CLSTN2: variants seen among roughly 807,000 people sequenced by gnomAD.
The protein encoded by CLSTN2 is calsyntenin-2.
CLSTN2 carries 48 observed loss-of-function variants against 101.2 expected under a neutral mutation model. That is an observed-to-expected ratio of 0.47 (90% CI 0.38 to 0.60). The LOEUF is 0.60. Among genes scored for constraint, CLSTN2 ranks in the 20% least tolerant of loss-of-function variants. The pLI, the probability that CLSTN2 is intolerant of heterozygous loss-of-function variation, is 0.00. For missense variants in CLSTN2, 1,160 were observed against 1,238.2 expected, an observed-to-expected ratio of 0.94 and a Z score of 0.95; for synonymous variants, 481 against 463.6, an observed-to-expected ratio of 1.04 and a Z score of -0.48.
intron 1 of CLSTN2, among the ~76,000 whole-genome samples, chr3:139,981,691 C>T (rs9830596): frequency 0.33 from 49,930 of 152,154 alleles, 10,132 homozygotes; most frequent in Non-Finnish European, 0.46. Context: ...AATTAGCTGC[C>T]TAAAGCTATG....
chr3:140,407,610 A>AT (rs2088317877), intron 4 of CLSTN2, among the ~76,000 whole-genome samples: 1 of 152,178 alleles, frequency 6.6e-6, no homozygotes, highest in Admixed American at 6.5e-5. Flanking sequence ...ATTATTAAAT[A>AT]TTTACCTGGA....
intron 2 of CLSTN2, among the ~76,000 whole-genome samples, chr3:140,196,488 C>T (rs1257994052): frequency 1.3e-5 from 2 of 152,208 alleles, no homozygotes; most frequent in East Asian, 1.9e-4. Context: ...GTATTACTTG[C>T]TGTTTCCAGG....
At chr3:140,441,992 G>A (rs1190224746) in intron 5 of CLSTN2, among the ~76,000 whole-genome samples, 4 of 152,122 alleles carry the variant, frequency 2.6e-5, no homozygotes, top group African/African-American at 9.7e-5. Flanking sequence ...CTTGAACCTG[G>A]AGCTGTACTG....
chr3:139,952,799 C>A (rs1935315778), intron 1 of CLSTN2, among the ~76,000 whole-genome samples: 1 of 152,192 alleles, frequency 6.6e-6, no homozygotes, highest in Admixed American at 6.5e-5. Context: ...AAGGTCCCAA[C>A]ATGTCATTCC....
chr3:140,419,387 C>T lies in CLSTN2; in HGVS notation c.638-1738C>T, dbSNP rs1248028323. Among the ~76,000 whole-genome samples, 12 of 142,980 alleles carry T rather than the reference C, an allele frequency of 8.4e-5. No individual in the cohort carries two copies. The South Asian group carries it at 8.8e-4, about 10-fold the overall frequency. 93.8% of individuals were successfully genotyped at this position (142,980 alleles called of 152,430 possible). On this transcript the variant is annotated intron_variant, in intron 4 of 16. Transcript: ENST00000458420. ...AGTCCCAGTACTTGGGAGGCTGAGG[C>T]GGGAGAATCACTTGAACCCAGGAGG...
chr3:140,019,457 T>C (rs2007264635), intron 1 of CLSTN2, among the ~76,000 whole-genome samples: 1 of 152,182 alleles, frequency 6.6e-6, no homozygotes, highest in Non-Finnish European at 1.5e-5. Flanking sequence ...ATCACCTGTT[T>C]CCTAAAATTA....
At chr3:140,392,396 C>A (rs1238445351) in intron 2 of CLSTN2, among the ~76,000 whole-genome samples, 2 of 152,036 alleles carry the variant, frequency 1.3e-5, no homozygotes, top group Non-Finnish European at 2.9e-5. Context: ...TAAGACATCT[C>A]AAATAGGACT....
chr3:140,032,903 G>A (rs188056331), intron 1 of CLSTN2, among the ~76,000 whole-genome samples: 1 of 152,354 alleles, frequency 6.6e-6, no homozygotes, highest in Admixed American at 6.5e-5. Flanking sequence ...TGAGCAAACT[G>A]AAAAGTGCTA....
chr3:140,225,917 TAAA>T (rs755515327), intron 2 of CLSTN2, among the ~76,000 whole-genome samples: 4,101 of 151,516 alleles, frequency 0.027, 177 homozygotes, highest in African/African-American at 0.094. Flanking sequence ...TGATTTTTTT[TAAA>T]AAAAAAAGGA....
rs11924952 is a variant in CLSTN2 at position 140,569,879 on chromosome 3, G to A, written c.*3626G>A. On this transcript the variant is annotated 3_prime_UTR_variant, in exon 17 of 17. Coordinates refer to ENST00000458420, the MANE Select transcript of CLSTN2 (RefSeq NM_022131.3). Reference sequence around the variant, plus strand: ...TTTTTAGTAGAGACAGGGCTTCACCGTGTTGGCCAGGCTGGTCTCAAACTC... The same window carrying A: ...TTTTTAGTAGAGACAGGGCTTCACCATGTTGGCCAGGCTGGTCTCAAACTC... 84,457 of 152,024 alleles carry A rather than the reference G, an allele frequency of 0.56. 26,046 individuals are homozygous for A. The highest frequency in any genetic ancestry group is 0.74 in the Middle Eastern group (219 of 296). 9.4% of individuals were successfully genotyped at this position (152,024 alleles called of 1,614,324 possible).
At chr3:140,459,899 A>G (rs1576580071) in intron 7 of CLSTN2, 130 bp downstream of exon 7, 3 of 1,052,112 alleles carry the variant, frequency 2.9e-6, no homozygotes, top group East Asian at 4.9e-5. Flanking sequence ...AACCCTGCCA[A>G]TATATATTCT....
chr3:140,334,673 G>A (rs2087423287), intron 2 of CLSTN2, among the ~76,000 whole-genome samples: 1 of 152,180 alleles, frequency 6.6e-6, no homozygotes, highest in African/African-American at 2.4e-5. Flanking sequence ...CTGAAAGAAG[G>A]GTCACTAATT....
At chr3:140,426,082 C>G (rs1287084532) in intron 5 of CLSTN2, among the ~76,000 whole-genome samples, 2 of 152,134 alleles carry the variant, frequency 1.3e-5, no homozygotes, top group African/African-American at 4.8e-5. Flanking sequence ...TGCATCCTGC[C>G]TCTCATGCCA....
intron 8 of CLSTN2, among the ~76,000 whole-genome samples, chr3:140,469,477 G>T (rs779690702): frequency 1.3e-5 from 2 of 151,948 alleles, no homozygotes; most frequent in African/African-American, 4.8e-5. Flanking sequence ...AAGTTTCTTG[G>T]GTGTAAATCA....
In CLSTN2 at chr3:140,553,870, G is replaced by T. The variant is rs187604349; in HGVS notation, c.1675-2643G>T. ...AGGAAGGAAAGGAGAACAGGGTTTG[G>T]TGAGTACTGATAATGACTCCCACAG... On this transcript the variant is annotated intron_variant, in intron 10 of 16. Coordinates refer to ENST00000458420, the MANE Select transcript of CLSTN2 (RefSeq NM_022131.3). 7.9e-5 allele frequency among the ~76,000 whole-genome samples: 12 copies of T among 152,320 alleles called. No individual in the cohort carries two copies. In the East Asian group the frequency reaches 2.3e-3, roughly 29 times the overall value.
intron 7 of CLSTN2, among the ~76,000 whole-genome samples, chr3:140,464,516 T>C (rs375070474): frequency 5.3e-5 from 8 of 152,204 alleles, no homozygotes; most frequent in African/African-American, 1.9e-4. Context: ...ACACAGTGAA[T>C]AAATCAGGTA....
chr3:140,057,663 C>T (rs572358448), intron 1 of CLSTN2, among the ~76,000 whole-genome samples: 1 of 152,190 alleles, frequency 6.6e-6, no homozygotes, highest in Admixed American at 6.5e-5. Flanking sequence ...CTTTAACAAC[C>T]CCTTAATAAA....
chr3:140,421,135 G>T lies in CLSTN2; in HGVS notation c.648G>T (p.Arg216Ser). The T allele has an allele frequency of 6.2e-7, 1 of 1,613,834 alleles. No individual in the cohort carries two copies. The highest frequency in any genetic ancestry group is 8.5e-7 in the Non-Finnish European group (1 of 1,179,946). ...PFAIDRNGNI[R>S]NTEKLSYDKQ... ...ATCTCTGTTCCTCAGGCAACATCAG[G>T]AACACTGAGAAGCTGAGCTATGACA... Residue 216 changes from arginine (R) to serine (S), a missense_variant, in exon 5 of 17, where the codon AGG (arginine) becomes AGT (serine). Physicochemically the swap from Arg to Ser is moderately radical, Grantham distance 110. Coordinates refer to ENST00000458420, the MANE Select transcript of CLSTN2 (RefSeq NM_022131.3).
At chr3:140,303,083 G>A (rs2087076428) in intron 2 of CLSTN2, among the ~76,000 whole-genome samples, 1 of 152,170 alleles carries the variant, frequency 6.6e-6, no homozygotes, top group South Asian at 2.1e-4. Context: ...AAGGAGAAAT[G>A]CTGACAGGAA....
Sources: gnomAD v4.1 joint callset for allele counts (sites outside exome capture counted in the v4.1 genomes callset) on GRCh38, gnomAD v4.1.1 for gene constraint, MANE v1.5 for transcripts, NCBI Gene and HGNC (gene_info 2026-07-23, HGNC 2026-07-21) for gene names.